The following PCYT1B variants were observed in gnomAD, a reference collection of about 807,000 sequenced individuals.
PCYT1B encodes the protein phosphate cytidylyltransferase 1B, choline.
In PCYT1B, 10 loss-of-function variants were observed where a neutral mutation model predicts 26.4. That is an observed-to-expected ratio of 0.38 (90% CI 0.23 to 0.64). The LOEUF is 0.64. PCYT1B is among the 30% of genes least tolerant of loss of function. The probability of loss-of-function intolerance (pLI) is 0.56; values close to 1 mark genes in which losing one functional copy is unlikely to be tolerated. For missense variants in PCYT1B, 161 were observed against 292.7 expected (o/e 0.55, Z 3.28); for synonymous variants, 131 against 108.4 (o/e 1.21, Z -1.29).
chrX:24,644,411 C>T (rs1009232268), intron 1 of PCYT1B, among the ~76,000 whole-genome samples: 6 of 105,773 alleles, frequency 5.7e-5, no homozygotes, highest in South Asian at 8.9e-4. Context: ...AACAGTTCAA[C>T]TTATGTACAT....
At chrX:24,572,551 T>C (rs764746181) in intron 7 of PCYT1B, among the ~76,000 whole-genome samples, 6 of 111,819 alleles carry the variant, frequency 5.4e-5, no homozygotes, top group Non-Finnish European at 1.1e-4. Context: ...GTAATACAGA[T>C]CTTCTATTTT....
At chrX:24,640,263 A>G (rs1253645859) in intron 1 of PCYT1B, among the ~76,000 whole-genome samples, 1 of 111,719 alleles carries the variant, frequency 9.0e-6, no homozygotes, top group East Asian at 2.8e-4. Context: ...TCTAAATCCA[A>G]AGGAAACTTT....
At chrX:24,647,787 G>C (rs1314697197), upstream of PCYT1B, among the ~76,000 whole-genome samples, 3 of 112,841 alleles carry the variant, frequency 2.7e-5, no homozygotes, top group Admixed American at 9.3e-5. Context: ...ATGGGCACCT[G>C]AGTGTTCGAC....
chrX:24,593,376 T>TTCTC (rs768489805), intron 3 of PCYT1B, among the ~76,000 whole-genome samples: 1 of 108,231 alleles, frequency 9.2e-6, no homozygotes, highest in East Asian at 2.8e-4. Flanking sequence ...GTTTCTTTCT[T>TTCTC]TCTCTCTCTC....
Position 24,647,070 on chromosome X carries a change from T to G in PCYT1B, c.36A>C (p.Thr12=). Residue 12 remains threonine, a synonymous_variant, in exon 1 of 8, where the codon ACA becomes ACC. Coordinates refer to ENST00000379144, the MANE Select transcript of PCYT1B (RefSeq NM_004845.5). Reference sequence around the variant, plus strand: ...CATTGGAAAGGGATTTTGGGATACCTGTTTCTGACTCAGCATCAGTGGTAA... The same window carrying G: ...CATTGGAAAGGGATTTTGGGATACCGGTTTCTGACTCAGCATCAGTGGTAA... ...PVVTTDAESE[T]GIPKSLSNEP... 1 of 1,210,140 alleles carries G rather than the reference T, an allele frequency of 8.3e-7. No homozygotes were observed. Among genetic ancestry groups the G allele is most frequent in the Admixed American group, 2.2e-5 (1 of 46,060 alleles).
At chrX:24,642,142 C>T (rs773453751) in intron 1 of PCYT1B, among the ~76,000 whole-genome samples, 1 of 112,937 alleles carries the variant, frequency 8.9e-6, no homozygotes, top group African/African-American at 3.2e-5. Flanking sequence ...TTCCACAAAC[C>T]AAACTACTAC....
intron 5 of PCYT1B, among the ~76,000 whole-genome samples, chrX:24,585,039 T>G (rs1924324159): frequency 1.8e-5 from 2 of 111,572 alleles, no homozygotes; most frequent in Admixed American, 1.9e-4. Context: ...ATATTAACCC[T>G]GGGAAGGCAT....
intron 1 of PCYT1B, among the ~76,000 whole-genome samples, chrX:24,667,424 G>T (rs1391820822): frequency 9.0e-6 from 1 of 111,303 alleles, no homozygotes; most frequent in African/African-American, 3.3e-5. Flanking sequence ...TGGAACAAAA[G>T]ATAAAAATAA....
At chrX:24,608,059 A>G (rs1925193048) in intron 2 of PCYT1B, among the ~76,000 whole-genome samples, 198 bp from the exon 3 acceptor site, 1 of 111,754 alleles carries the variant, frequency 8.9e-6, no homozygotes, top group Admixed American at 9.5e-5. Flanking sequence ...CTTAAGATCA[A>G]ACCAGGGAAC....
At chrX:24,651,472 AATAT>A (rs200652780), upstream of PCYT1B, among the ~76,000 whole-genome samples, 125 of 25,973 alleles carry the variant, frequency 4.8e-3, 1 homozygote, top group African/African-American at 0.017. Context: ...AAAAAAAAAA[AATAT>A]ATATATATAT....
intron 1 of PCYT1B, among the ~76,000 whole-genome samples, chrX:24,656,061 G>A (rs1283377275): frequency 1.0e-5 from 1 of 100,270 alleles, no homozygotes. Context: ...CACGGGAGGC[G>A]GAGGCTGCAG....
intron 1 of PCYT1B, among the ~76,000 whole-genome samples, chrX:24,635,945 A>G (rs991053524): frequency 5.4e-5 from 6 of 111,930 alleles, no homozygotes; most frequent in Admixed American, 3.8e-4. Context: ...AACCAATGCC[A>G]TCCATTTCCT....
intron 1 of PCYT1B, among the ~76,000 whole-genome samples, chrX:24,645,047 T>C (rs945801680): frequency 1.8e-5 from 2 of 110,845 alleles, no homozygotes; most frequent in Admixed American, 9.6e-5. Flanking sequence ...CTGGAGGACA[T>C]AGTGAGACTC....
chrX:24,579,260 CTGG>C (rs1924128758), intron 6 of PCYT1B, 53 bp downstream of exon 6: 38 of 1,134,768 alleles, frequency 3.3e-5, no homozygotes, highest in Non-Finnish European at 4.1e-5. Flanking sequence ...AACAGCAGCA[CTGG>C]TGGTGGTGGT....
At chrX:24,663,960 C>A (rs1470500093) in intron 1 of PCYT1B, among the ~76,000 whole-genome samples, 2 of 108,934 alleles carry the variant, frequency 1.8e-5, no homozygotes, top group Admixed American at 1.9e-4. Context: ...ACACAGCAAA[C>A]CCTGGAGGGC....
In PCYT1B at chrX:24,661,394, T is replaced by C. The variant is rs373107050; in HGVS notation, c.63+11176A>G. Among the ~76,000 whole-genome samples the C allele has an allele frequency of 2.1e-3, 231 of 112,255 alleles. 2 individuals are homozygous for C. Among genetic ancestry groups the C allele is most frequent in the African/African-American group, 7.2e-3 (222 of 30,954 alleles). ...AGATGGTAATGAATTATGTCCACTT[T>C]ATAACCCCTAAGGAAAGATTGGGCT... On this transcript the variant is annotated intron_variant, in intron 1 of 7. Coordinates refer to the PCYT1B transcript ENST00000379145.
At chrX:24,611,592 G>A (rs1213358808) in intron 2 of PCYT1B, among the ~76,000 whole-genome samples, 1 of 111,766 alleles carries the variant, frequency 8.9e-6, no homozygotes, top group African/African-American at 3.3e-5. Context: ...ACCCCTTGAA[G>A]TGCGTGTGGG....
intron 7 of PCYT1B, among the ~76,000 whole-genome samples, chrX:24,562,877 G>A (rs1169594396): frequency 6.4e-5 from 7 of 109,770 alleles, no homozygotes; most frequent in Admixed American, 1.9e-4. Context: ...ACAGGTGCCC[G>A]CCACCATGCC....
intron 6 of PCYT1B, among the ~76,000 whole-genome samples, chrX:24,578,093 G>A (rs894198767): frequency 2.7e-5 from 3 of 111,229 alleles, no homozygotes; most frequent in Non-Finnish European, 3.8e-5. Flanking sequence ...CAACCCAAAC[G>A]CCCATCAATG....
Sources: allele counts gnomAD v4.1 joint callset (sites outside exome capture counted in the v4.1 genomes callset), GRCh38; gene constraint gnomAD v4.1.1; transcripts MANE v1.5; gene names NCBI Gene and HGNC (gene_info 2026-07-23, HGNC 2026-07-21).